SEMA3A: variants seen among roughly 807,000 people sequenced by gnomAD.
SEMA3A encodes the protein semaphorin-3A.
SEMA3A carries 29 observed loss-of-function variants against 97.9 expected under a neutral mutation model. The ratio of observed to expected loss-of-function variants is 0.30; its 90% CI spans 0.22 to 0.40. The LOEUF (loss-of-function observed/expected upper bound fraction) is 0.40. SEMA3A is among the 10% of genes least tolerant of loss of function. The pLI is 1.00. For synonymous variants in SEMA3A, 321 were observed against 323.7 expected (o/e 0.99, Z 0.09); for missense variants, 763 against 951.3 (o/e 0.80, Z 2.60).
intron 3 of SEMA3A, among the ~76,000 whole-genome samples, chr7:84,289,929 T>C (rs1281500821): frequency 6.6e-6 from 1 of 152,178 alleles, no homozygotes. Flanking sequence ...GGGATATTAT[T>C]TGGCAATAAA....
chr7:83,969,871 A>G (rs569623928), intron 15 of SEMA3A, among the ~76,000 whole-genome samples: 1 of 152,336 alleles, frequency 6.6e-6, no homozygotes, highest in South Asian at 2.1e-4. Context: ...CACATCTCCA[A>G]GGATACCTAT....
chr7:84,181,798 C>T (rs963080821), intron 1 of SEMA3A, among the ~76,000 whole-genome samples: 4 of 152,162 alleles, frequency 2.6e-5, no homozygotes, highest in Admixed American at 2.6e-4. Context: ...ATATCATTTA[C>T]ATATACTGAT....
At chr7:84,131,982 T>C (rs1004456920) in intron 2 of SEMA3A, among the ~76,000 whole-genome samples, 2 of 152,078 alleles carry the variant, frequency 1.3e-5, no homozygotes, top group African/African-American at 2.4e-5. Flanking sequence ...TATTTATTTA[T>C]GTATTTATTT....
intron 14 of SEMA3A, among the ~76,000 whole-genome samples, chr7:83,977,788 C>G (rs1462245459): frequency 4.3e-5 from 6 of 141,084 alleles, no homozygotes; most frequent in African/African-American, 1.3e-4. Context: ...TCAACCTATC[C>G]TTTTTTTTTT....
At chr7:84,462,548 G>C (rs74667201) in intron 1 of SEMA3A, among the ~76,000 whole-genome samples, 4,056 of 152,204 alleles carry the variant, frequency 0.027, 170 homozygotes, top group African/African-American at 0.091. Flanking sequence ...CTTTGGTCTG[G>C]CTGGTTTCCC....
intron 3 of SEMA3A, among the ~76,000 whole-genome samples, chr7:84,127,852 G>T (rs1182544058): frequency 6.9e-6 from 1 of 144,276 alleles, no homozygotes; most frequent in Non-Finnish European, 1.5e-5. Context: ...ATGCCTTTAG[G>T]CAACACACAG....
chr7:84,423,237 A>AG (rs35174408), intron 1 of SEMA3A, among the ~76,000 whole-genome samples: 48,511 of 151,884 alleles, frequency 0.32, 9,289 homozygotes, highest in African/African-American at 0.54. Flanking sequence ...AAGATTTGCA[A>AG]TATTAGACTC....
intron 3 of SEMA3A, among the ~76,000 whole-genome samples, chr7:84,214,809 C>T (rs1798707990): frequency 6.6e-6 from 1 of 151,628 alleles, no homozygotes; most frequent in Admixed American, 6.6e-5. Flanking sequence ...AGCAATTCTC[C>T]TGCCCCAGCC....
intron 3 of SEMA3A, among the ~76,000 whole-genome samples, chr7:84,285,970 C>CAAAAAA (rs564063430): frequency 2.9e-5 from 2 of 70,094 alleles, no homozygotes; most frequent in African/African-American, 4.5e-5. Flanking sequence ...GACCCCATCT[C>CAAAAAA]AAAAAAAAAA....
intron 1 of SEMA3A, among the ~76,000 whole-genome samples, chr7:84,449,286 G>A (rs1400253837): frequency 6.6e-6 from 1 of 152,132 alleles, no homozygotes; most frequent in Non-Finnish European, 1.5e-5. Context: ...GAAAAAGTAT[G>A]AAATCACTTA....
chr7:84,086,898 T>G (rs765591378), intron 4 of SEMA3A, among the ~76,000 whole-genome samples: 1 of 143,144 alleles, frequency 7.0e-6, no homozygotes, highest in Non-Finnish European at 1.6e-5. Context: ...GCTTTCATCA[T>G]GTTAAGTAGC....
At chr7:84,313,708 A>C (rs1801423431) in intron 2 of SEMA3A, among the ~76,000 whole-genome samples, 1 of 151,866 alleles carries the variant, frequency 6.6e-6, no homozygotes, top group African/African-American at 2.4e-5. Flanking sequence ...TAAGCGACAG[A>C]ATCCAATTTT....
chr7:84,265,670 C>T (rs1799978384), intron 3 of SEMA3A, among the ~76,000 whole-genome samples: 1 of 151,516 alleles, frequency 6.6e-6, no homozygotes, highest in African/African-American at 2.4e-5. Context: ...CCATGCCTGC[C>T]TGAAAATGTG....
At chr7:83,977,075 CATT>C in intron 15 of SEMA3A, 54 bp downstream of exon 15, 1 of 978,140 alleles carries the variant, frequency 1.0e-6, no homozygotes, top group Non-Finnish European at 1.5e-6. Context: ...CATGAATATG[CATT>C]ATTATGATTT....
Position 83,958,075 on chromosome 7 carries a change from A to G in SEMA3A, c.*3296T>C, listed in dbSNP as rs927881498. The G allele has an allele frequency of 4.7e-4, 71 of 152,224 alleles. No individual in the cohort carries two copies. Among genetic ancestry groups the G allele is most frequent in the African/African-American group, 1.6e-3 (66 of 41,576 alleles). 9.4% of individuals were successfully genotyped at this position (152,224 alleles called of 1,614,324 possible). ...GACATCTTTGTGGATCCTGAATAAAACCAAACTGATTATGAAAATGACACA... is the reference window on the plus strand; with the variant it reads ...GACATCTTTGTGGATCCTGAATAAAGCCAAACTGATTATGAAAATGACACA... On this transcript the variant is annotated 3_prime_UTR_variant, in exon 17 of 17. Transcript: ENST00000265362.
chr7:84,100,846 T>C (rs17298417), intron 4 of SEMA3A, among the ~76,000 whole-genome samples: 66,128 of 152,028 alleles, frequency 0.43, 15,547 homozygotes, highest in Admixed American at 0.53. Context: ...ATGTTAAGCC[T>C]CCATTATTTT....
chr7:84,425,276 TTATATAATATATTTATATTTATATAAA>T (rs1179405540), intron 1 of SEMA3A, among the ~76,000 whole-genome samples: 13 of 124,036 alleles, frequency 1.0e-4, no homozygotes, highest in African/African-American at 3.8e-4. Context: ...AAATATGTAT[TTATATAATATATTTATATTTATATAAA>T]TATATAATAT....
At chr7:84,350,526 A>G (rs1802411693) in intron 2 of SEMA3A, among the ~76,000 whole-genome samples, 1 of 152,116 alleles carries the variant, frequency 6.6e-6, no homozygotes, top group Admixed American at 6.6e-5. Context: ...CCCAAATTAC[A>G]TCTGCACAGA....
chr7:84,249,015 G>T (rs537892656), intron 3 of SEMA3A, among the ~76,000 whole-genome samples: 18 of 152,192 alleles, frequency 1.2e-4, no homozygotes. Context: ...GTGTATCTAG[G>T]CTTGGCAAAT....
Sources: allele counts gnomAD v4.1 joint callset (sites outside exome capture counted in the v4.1 genomes callset), GRCh38; gene constraint gnomAD v4.1.1; transcripts MANE v1.5; gene names NCBI Gene and HGNC (gene_info 2026-07-23, HGNC 2026-07-21).